Variants in PIEZO1 observed in about 807,000 individuals in gnomAD.
The protein encoded by PIEZO1 is piezo-type mechanosensitive ion channel component 1.
Under a neutral mutation model 297.2 loss-of-function variants are expected in PIEZO1, and 296 were observed. That is an observed-to-expected ratio of 1.00 (90% CI 0.91 to 1.10). The LOEUF is 1.10. PIEZO1 is among the 50% of genes least tolerant of loss of function. The pLI is 0.00. For synonymous variants in PIEZO1, 2,427 were observed against 1,507.5 expected, an observed-to-expected ratio of 1.61 and a Z score of -14.13; for missense variants, 5,018 against 3,455.5, an observed-to-expected ratio of 1.45 and a Z score of -11.34.
chr16:88,780,941 AG>A (rs1320890251), intron 1 of PIEZO1, among the ~76,000 whole-genome samples: 7 of 152,256 alleles, frequency 4.6e-5, no homozygotes, highest in African/African-American at 1.7e-4. Flanking sequence ...TGGGCGACAG[AG>A]TGAGCCTCTG....
At chr16:88,761,045 A>C (rs1199191185) in intron 1 of PIEZO1, among the ~76,000 whole-genome samples, 1 of 152,124 alleles carries the variant, frequency 6.6e-6, no homozygotes, top group Non-Finnish European at 1.5e-5. Flanking sequence ...TCCCGGACAC[A>C]CTCAGCCCGC....
chr16:88,761,793 G>A (rs187348148), intron 1 of PIEZO1, among the ~76,000 whole-genome samples: 202 of 139,900 alleles, frequency 1.4e-3, no homozygotes, highest in Non-Finnish European at 2.5e-3. Flanking sequence ...CTTCCCCACA[G>A]ACGACCAGCA....
At position 88,737,737 on chromosome 16, in the gene PIEZO1, C is replaced by A. The variant is rs1905332723; in HGVS notation, c.1098G>T (p.Glu366Asp). Residue 366 changes from glutamate to aspartate, a missense_variant, in exon 9 of 51, where the codon GAG (glutamate) becomes GAT (aspartate). Glu to Asp is a conservative substitution (Grantham distance 45, BLOSUM62 2). Coordinates refer to ENST00000301015, the MANE Select transcript of PIEZO1 (RefSeq NM_001142864.4). Reference sequence around the variant, plus strand: ...CTGCCTGGCTGCTCACCTGGTCAGACTCCCGTTCCTGGGGCCACTGGTCCA... The same window carrying A: ...CTGCCTGGCTGCTCACCTGGTCAGAATCCCGTTCCTGGGGCCACTGGTCCA... ...AELDQWPQER[E>D]SDQHVVPTAP... 1 of 1,535,424 alleles carries A rather than the reference C, an allele frequency of 6.5e-7. No homozygotes were observed. The highest frequency in any genetic ancestry group is 1.4e-5 in the African/African-American group (1 of 72,980).
At position 88,724,992 on chromosome 16, in the gene PIEZO1, G is replaced by A. The variant is rs113631082; in HGVS notation, c.4234+17C>T. ...AGGGCCTGAGAGGGTGGCCACAGGC[G>A]GCCTAATTGGGGGTACCTGTGGCGT... On this transcript the variant is annotated intron_variant, in intron 30 of 50. Transcript: ENST00000301015. 29 of 1,442,042 alleles carry A rather than the reference G, an allele frequency of 2.0e-5. No individual in the cohort carries two copies. Among genetic ancestry groups the A allele is most frequent in the South Asian group, 4.3e-5 (3 of 70,552 alleles). 89.3% of individuals were successfully genotyped at this position (1,442,042 alleles called of 1,614,324 possible).
Position 88,733,717 on chromosome 16 carries a change from C to T in PIEZO1, c.2358G>A (p.Glu786=), listed in dbSNP as rs915946309. The T allele has an allele frequency of 3.6e-5, 56 of 1,547,844 alleles. No homozygotes were observed. Among genetic ancestry groups the T allele is most frequent in the Non-Finnish European group, 4.7e-5 (54 of 1,145,548 alleles). Residue 786 remains glutamate, a synonymous_variant, in exon 18 of 51, where the codon GAG becomes GAA. Coordinates refer to ENST00000301015, the MANE Select transcript of PIEZO1 (RefSeq NM_001142864.4). Reference sequence around the variant, plus strand: ...AGCCGGCTGCCAGCTCCAGCAGCCGCTCAGCCACCAGGCCCCACTTGGCTG... The same window carrying T: ...AGCCGGCTGCCAGCTCCAGCAGCCGTTCAGCCACCAGGCCCCACTTGGCTG... ...EGAAKWGLVA[E]RLLELAAGFS... is the part of the protein sequence containing the mutation.
At chr16:88,746,731 G>A (rs771971415) in intron 2 of PIEZO1, among the ~76,000 whole-genome samples, 3 of 152,188 alleles carry the variant, frequency 2.0e-5, no homozygotes, top group Admixed American at 1.3e-4. Context: ...AAGTCCTCCC[G>A]GGTCCTCTCC....
At position 88,731,821 on chromosome 16, in the gene PIEZO1, G is replaced by A. The variant is rs1323927425; in HGVS notation, c.3081C>T (p.Thr1027=). ...GGGCAATGGCCTGGCGGTGCCTGCGGGTGAGGATGGCCACCAGCCAGCAAC... is the reference window on the plus strand; with the variant it reads ...GGGCAATGGCCTGGCGGTGCCTGCGAGTGAGGATGGCCACCAGCCAGCAAC... ...LHGCWLVAIL[T]RRHRQAIARL... is the part of the protein sequence containing the mutation. The change falls in exon 22 of 51, where the codon ACC becomes ACT. Residue 1027 remains threonine, a synonymous_variant. Coordinates refer to ENST00000301015, the MANE Select transcript of PIEZO1 (RefSeq NM_001142864.4). The A allele has an allele frequency of 2.7e-6, 4 of 1,503,476 alleles. No individual in the cohort carries two copies. The highest frequency in any genetic ancestry group is 3.6e-6 in the Non-Finnish European group (4 of 1,123,732). 93.1% of individuals were successfully genotyped at this position (1,503,476 alleles called of 1,614,324 possible). A position where few individuals can be genotyped will look rare whatever the true frequency, so the allele number is the denominator to read the frequency against.
chr16:88,759,717 GGAA>G (rs754422349), intron 1 of PIEZO1, among the ~76,000 whole-genome samples: 34 of 152,332 alleles, frequency 2.2e-4, no homozygotes, highest in African/African-American at 3.8e-4. Context: ...CCACTTTTAT[GGAA>G]GAAGAAGGCT....
chr16:88,732,503 G>C lies in PIEZO1; in HGVS notation c.2823C>G (p.Phe941Leu), dbSNP rs752581333. The C allele has an allele frequency of 3.9e-6, 6 of 1,547,946 alleles. No individual in the cohort carries two copies. Among genetic ancestry groups the C allele is most frequent in the Non-Finnish European group, 1.7e-6 (2 of 1,145,122 alleles). ...NHLQVLLLLVFEAIVYRRQEH... is the reference protein window; with the variant it reads ...NHLQVLLLLVLEAIVYRRQEH... ...CCTGGCGCCGGTACACGATGGCCTCGAATACCAGCAGCAGCAGCACTTGCA... is the reference window on the plus strand; with the variant it reads ...CCTGGCGCCGGTACACGATGGCCTCCAATACCAGCAGCAGCAGCACTTGCA... Residue 941 changes from phenylalanine to leucine, a missense_variant, in exon 21 of 51, where the codon TTC becomes TTG. Transcript: ENST00000301015.
rs200970763 is a variant in PIEZO1 at position 88,733,731 on chromosome 16, C to A, written c.2344G>T (p.Gly782Cys). The change falls in exon 18 of 51, where the codon GGC (glycine) becomes TGC (cysteine). Residue 782 changes from glycine to cysteine, a missense_variant. Coordinates refer to ENST00000301015, the MANE Select transcript of PIEZO1 (RefSeq NM_001142864.4). ...TCCAGCAGCCGCTCAGCCACCAGGC[C>A]CCACTTGGCTGCCCCTGTGATGGTG... is the stretch of plus-strand genomic sequence containing the variant. Reference protein sequence around the residue: ...TQVPEGAAKWGLVAERLLELA... With the variant: ...TQVPEGAAKWCLVAERLLELA... The A allele has an allele frequency of 6.5e-7, 1 of 1,545,472 alleles. No individual in the cohort carries two copies. Among genetic ancestry groups the A allele is most frequent in the Non-Finnish European group, 8.7e-7 (1 of 1,144,228 alleles).
chr16:88,717,715 T>A, intron 44 of PIEZO1: 1 of 439,568 alleles, frequency 2.3e-6, no homozygotes, highest in South Asian at 1.7e-5. Flanking sequence ...GTCCATAGAA[T>A]TGGAGAAATT....
At chr16:88,738,138 C>A in intron 7 of PIEZO1, 33 bp from the exon 8 acceptor site, 1 of 1,535,542 alleles carries the variant, frequency 6.5e-7, no homozygotes. Flanking sequence ...AGCCTACCAC[C>A]CCAGAGGCAG....
chr16:88,782,172 C>G (rs1216702567), intron 1 of PIEZO1, among the ~76,000 whole-genome samples: 2 of 152,308 alleles, frequency 1.3e-5, no homozygotes, highest in South Asian at 4.1e-4. Flanking sequence ...TGCAGTCATA[C>G]AATCATGGCT....
At chr16:88,743,854 C>T (rs1905862495) in intron 2 of PIEZO1, 2 of 346,588 alleles carry the variant, frequency 5.8e-6, no homozygotes, top group African/African-American at 2.1e-5. Flanking sequence ...CAGCTATGAC[C>T]TCTGACCTGT....
At chr16:88,766,234 CAA>C (rs1436655660) in intron 1 of PIEZO1, among the ~76,000 whole-genome samples, 1 of 152,178 alleles carries the variant, frequency 6.6e-6, no homozygotes, top group Non-Finnish European at 1.5e-5. Context: ...GGGCCTCATC[CAA>C]TCAGCTGAAG....
intron 1 of PIEZO1, among the ~76,000 whole-genome samples, chr16:88,780,546 G>T (rs1907883795): frequency 6.6e-6 from 1 of 152,230 alleles, no homozygotes; most frequent in Non-Finnish European, 1.5e-5. Flanking sequence ...CATGCCAGAT[G>T]TGTGTGTGGG....
intron 1 of PIEZO1, among the ~76,000 whole-genome samples, chr16:88,782,496 T>C (rs533292340): frequency 3.3e-5 from 5 of 152,284 alleles, no homozygotes; most frequent in African/African-American, 1.2e-4. Flanking sequence ...AGGAGGCCCC[T>C]GCTCCCTGTG....
intron 22 of PIEZO1, among the ~76,000 whole-genome samples, chr16:88,730,589 C>T (rs1474425477): frequency 1.9e-5 from 2 of 107,368 alleles, no homozygotes; most frequent in African/African-American, 4.2e-5. Context: ...CAGAGCAAGA[C>T]TCCATCTCAA....
At chr16:88,744,571 C>G (rs2879898) in intron 2 of PIEZO1, among the ~76,000 whole-genome samples, 2 of 150,288 alleles carry the variant, frequency 1.3e-5, no homozygotes, top group African/African-American at 4.9e-5. Flanking sequence ...CCCGCCCACC[C>G]GCCTTGCCCT....
Sources: allele counts gnomAD v4.1 joint callset (sites outside exome capture counted in the v4.1 genomes callset), GRCh38; gene constraint gnomAD v4.1.1; transcripts MANE v1.5; gene names NCBI Gene and HGNC (gene_info 2026-07-23, HGNC 2026-07-21).